The following USP24 variants were observed in gnomAD, a reference collection of about 807,000 sequenced individuals.
USP24 encodes the protein ubiquitin specific peptidase 24, also known as ubiquitin carboxyl-terminal hydrolase 24.
A neutral mutation model predicts 361.6 loss-of-function variants in USP24; 97 were observed. That is an observed-to-expected ratio of 0.27 (90% CI 0.23 to 0.32). The LOEUF (loss-of-function observed/expected upper bound fraction) is 0.32. USP24 is among the 10% of genes least tolerant of loss of function. The probability of loss-of-function intolerance (pLI) is 1.00; values close to 1 mark genes in which losing one functional copy is unlikely to be tolerated. For missense variants in USP24, 2,353 were observed against 3,165.6 expected (o/e 0.74, Z 6.16); for synonymous variants, 1,098 against 1,124.6 (o/e 0.98, Z 0.47).
chr1:55,124,688 T>TGTTC, intron 34 of USP24, 60 bp from the exon 35 acceptor site: 1 of 1,578,600 alleles, frequency 6.3e-7, no homozygotes, highest in Non-Finnish European at 8.6e-7. Context: ...CCCTGACATG[T>TGTTC]ACAACCTTCT....
intron 35 of USP24, among the ~76,000 whole-genome samples, chr1:55,124,098 C>A (rs575569243): frequency 6.6e-6 from 1 of 152,026 alleles, no homozygotes; most frequent in Non-Finnish European, 1.5e-5. Flanking sequence ...TTTAAAGAGG[C>A]CTAATGAAAA....
chr1:55,191,755 G>A (rs1011871447), intron 1 of USP24, among the ~76,000 whole-genome samples: 2 of 152,090 alleles, frequency 1.3e-5, no homozygotes, highest in African/African-American at 4.8e-5. Flanking sequence ...CTCCCAAAGC[G>A]CTAGGATTAC....
rs761226817 is a variant in USP24 at position 55,138,681 on chromosome 1, C to G, written c.2855G>C (p.Gly952Ala). The G allele has an allele frequency of 2.5e-6, 4 of 1,612,788 alleles. 1 individual carries two copies. The South Asian group carries it at 4.4e-5, about 18-fold the overall frequency. ...YSVPRTILPHGASFHGHLLTL... is the reference protein window; with the variant it reads ...YSVPRTILPHAASFHGHLLTL... ...TAAAAGATGTCCATGAAATGAGGCA[C>G]CATGAGGTAGAATAGTTCGTGGAAC... is the stretch of plus-strand genomic sequence containing the variant. The change falls in exon 26 of 68, where the codon GGT becomes GCT. Residue 952 changes from glycine (G) to alanine (A), a missense_variant. Physicochemically the swap from Gly to Ala is moderately conservative, Grantham distance 60 (BLOSUM62 0). Around this residue, in one of 8 missense-constraint regions of USP24, gnomAD observed 949 missense variants for 1,280.5 expected, o/e 0.74. Coordinates refer to ENST00000294383, the MANE Select transcript of USP24 (RefSeq NM_015306.3).
chr1:55,108,053 T>C (rs1190824388), intron 39 of USP24, among the ~76,000 whole-genome samples: 1 of 150,358 alleles, frequency 6.7e-6, no homozygotes, highest in Non-Finnish European at 1.5e-5. Flanking sequence ...CCTGGTTTGG[T>C]GGGGGTTAGC....
Position 55,068,862 on chromosome 1 carries a change from C to T in USP24, c.*183G>A, listed in dbSNP as rs1037458797. 4 of 611,344 alleles carry T rather than the reference C, an allele frequency of 6.5e-6. No individual in the cohort carries two copies. The highest frequency in any genetic ancestry group is 2.1e-5 in the South Asian group (1 of 46,590). The allele number at this position is 611,344 out of a possible 1,614,324, so 37.9% of individuals were successfully genotyped here. A position where few individuals can be genotyped will look rare whatever the true frequency, so the allele number is the denominator to read the frequency against. ...ATGCCGGAGTTCTCCCACTGCCAAA[C>T]AGCTCCCAAACCTTCTAGTGGCTTA... is the stretch of plus-strand genomic sequence containing the variant. On this transcript the variant is annotated 3_prime_UTR_variant, in exon 68 of 68. Coordinates refer to ENST00000294383, the MANE Select transcript of USP24 (RefSeq NM_015306.3).
intron 31 of USP24, among the ~76,000 whole-genome samples, chr1:55,130,977 T>C (rs1646575193): frequency 6.6e-6 from 1 of 152,094 alleles, no homozygotes; most frequent in South Asian, 2.1e-4. Flanking sequence ...ATACCAGAGG[T>C]ATTTTACCAC....
intron 39 of USP24, among the ~76,000 whole-genome samples, chr1:55,109,028 G>A (rs534564217): frequency 1.2e-4 from 19 of 152,258 alleles, no homozygotes; most frequent in South Asian, 8.3e-4. Context: ...TCGCTCTGTC[G>A]CCCAGGCTGG....
chr1:55,126,093 A>G (rs892381964), intron 32 of USP24, among the ~76,000 whole-genome samples: 2 of 152,254 alleles, frequency 1.3e-5, no homozygotes, highest in Non-Finnish European at 2.9e-5. Context: ...AAAACAGCAG[A>G]GTCTTCACAG....
chr1:55,095,649 T>G (rs1454876634), intron 50 of USP24, among the ~76,000 whole-genome samples: 1 of 152,152 alleles, frequency 6.6e-6, no homozygotes, highest in Non-Finnish European at 1.5e-5. Flanking sequence ...GGGAGCAGTA[T>G]GGTAATGGAG....
intron 5 of USP24, among the ~76,000 whole-genome samples, chr1:55,169,048 C>T (rs1649187141): frequency 2.6e-5 from 4 of 151,760 alleles, no homozygotes; most frequent in Admixed American, 1.3e-4. Flanking sequence ...AAATATCAGG[C>T]ACAGAATATA....
At chr1:55,118,156 T>C (rs1448784190) in intron 38 of USP24, among the ~76,000 whole-genome samples, 1 of 152,218 alleles carries the variant, frequency 6.6e-6, no homozygotes, top group Non-Finnish European at 1.5e-5. Flanking sequence ...ACTCTCCAAG[T>C]AGCCAAATCA....
At chr1:55,146,817 T>TA in intron 19 of USP24, 112 bp downstream of exon 19, 1 of 1,299,962 alleles carries the variant, frequency 7.7e-7, no homozygotes, top group Non-Finnish European at 1.0e-6. Context: ...TCTTGGCCCA[T>TA]ACTATTTATG....
chr1:55,085,697 C>G (rs534916447), intron 56 of USP24, among the ~76,000 whole-genome samples: 180 of 152,292 alleles, frequency 1.2e-3, no homozygotes, highest in African/African-American at 4.2e-3. Context: ...GGGAGTGTTT[C>G]TAGAGAGAAA....
intron 63 of USP24, 39 bp downstream of exon 63, chr1:55,075,418 T>A (rs1464244929): frequency 6.5e-7 from 1 of 1,538,712 alleles, no homozygotes; most frequent in South Asian, 1.2e-5. Flanking sequence ...ATCCACATAT[T>A]TACTATAGAC....
rs11583974 is a variant in USP24 at position 55,086,045 on chromosome 1, G to C, written c.6669-7C>G. The C allele has an allele frequency of 6.2e-7, 1 of 1,613,520 alleles. No individual in the cohort carries two copies. The highest frequency in any genetic ancestry group is 8.5e-7 in the Non-Finnish European group (1 of 1,179,572). The stretch of plus-strand genomic sequence containing the variant: ...GCACTCCAGTAAGAAAATCCTGAAA[G>C]AAAGAGAAAGGTGGTGTGAAAAAGC... On this transcript the variant is annotated splice_region_variant and splice_polypyrimidine_tract_variant and intron_variant, in intron 55 of 67. Transcript: ENST00000294383.
intron 28 of USP24, 30 bp downstream of exon 28, chr1:55,137,485 G>A: frequency 6.2e-7 from 1 of 1,600,548 alleles, no homozygotes; most frequent in Non-Finnish European, 8.5e-7. Context: ...TTAAGTTCTT[G>A]TTTTTAAATG....
chr1:55,140,957 A>G lies in USP24; in HGVS notation c.2750+659T>C, dbSNP rs569686381. Among the ~76,000 whole-genome samples the G allele has an allele frequency of 3.9e-5, 6 of 152,344 alleles. No homozygotes were observed. The South Asian group carries it at 1.2e-3, about 32-fold the overall frequency. The stretch of plus-strand genomic sequence containing the variant: ...AGAACTACAGCAGACACTAAACTCA[A>G]GATTTCATCAATATCTGAAAACTCA... On this transcript the variant is annotated intron_variant, in intron 24 of 67. Coordinates refer to ENST00000294383, the MANE Select transcript of USP24 (RefSeq NM_015306.3).
At chr1:55,135,523 G>A (rs1244046224) in intron 28 of USP24, among the ~76,000 whole-genome samples, 2 of 152,144 alleles carry the variant, frequency 1.3e-5, no homozygotes, top group African/African-American at 2.4e-5. Flanking sequence ...TATATAAGGT[G>A]TATATGAAAC....
intron 7 of USP24, 109 bp from the exon 8 acceptor site, chr1:55,162,373 A>T: frequency 2.2e-6 from 2 of 922,964 alleles, no homozygotes; most frequent in Non-Finnish European, 3.1e-6. Context: ...TAGTGAGTTG[A>T]TCAAGTCATG....
Sources: gnomAD v4.1 joint callset for allele counts (sites outside exome capture counted in the v4.1 genomes callset) on GRCh38, gnomAD v4.1.1 for gene constraint, gnomAD v4.1.1 regional missense constraint, MANE v1.5 for transcripts, NCBI Gene and HGNC (gene_info 2026-07-23, HGNC 2026-07-21) for gene names.